Variants in TXNL4A observed in about 807,000 individuals in gnomAD.
TXNL4A encodes thioredoxin-like protein 4A.
TXNL4A carries 17 observed loss-of-function variants against 14.6 expected under a neutral mutation model. That is an observed-to-expected ratio of 1.16 (90% CI 0.80 to 1.74). The LOEUF (loss-of-function observed/expected upper bound fraction) is 1.74, where lower values mean the gene tolerates loss of function less well. Ranked by LOEUF, TXNL4A falls within the 40% of genes most tolerant of loss-of-function variation. The pLI is 0.00. For synonymous variants in TXNL4A, 83 were observed against 70.6 expected (o/e 1.18, Z -0.88); for missense variants, 74 against 195.2 (o/e 0.38, Z 3.70).
At chr18:80,004,709 G>C (rs1168834975) in intron 1 of TXNL4A, among the ~76,000 whole-genome samples, 8 of 152,160 alleles carry the variant, frequency 5.3e-5, no homozygotes. Flanking sequence ...GAATGTGCAC[G>C]CTCTGAGAAC....
intron 1 of TXNL4A, among the ~76,000 whole-genome samples, chr18:80,007,504 A>G (rs1243417449): frequency 6.6e-6 from 1 of 152,064 alleles, no homozygotes; most frequent in Admixed American, 6.5e-5. Context: ...CTAAGTCAAG[A>G]GTTGATTTTT....
rs2051769076 is a variant in TXNL4A, at chr18:80,011,448, G to A, written c.-61+22403C>T. ...AGAGTTTATTTTGCATTACCACTGA[G>A]GCTACAGAATTTTGGATTGTTGTGC... is the stretch of plus-strand genomic sequence containing the variant. On this transcript the variant is annotated intron_variant, in intron 1 of 2. Coordinates refer to the TXNL4A transcript ENST00000585474. This position sits in a 1 kb window ranked among gnomAD's most constrained non-coding sequence, Gnocchi z 4.1. 6.6e-6 allele frequency among the ~76,000 whole-genome samples: 1 copy of A among 152,168 alleles called. No individual in the cohort carries two copies. The highest frequency in any genetic ancestry group is 6.5e-5 in the Admixed American group (1 of 15,282).
chr18:80,006,240 C>T (rs1005717351), intron 1 of TXNL4A, among the ~76,000 whole-genome samples: 6 of 151,956 alleles, frequency 3.9e-5, no homozygotes, highest in African/African-American at 1.2e-4. Context: ...GAAAATTAGC[C>T]GGGTGTGGTG....
chr18:79,980,144 G>A (rs138334897), intron 1 of TXNL4A, among the ~76,000 whole-genome samples: 42 of 152,300 alleles, frequency 2.8e-4, no homozygotes, highest in Non-Finnish European at 5.1e-4. Context: ...CTGCAGAGGC[G>A]TCTACAAGCC....
intron 1 of TXNL4A, among the ~76,000 whole-genome samples, chr18:79,998,732 T>C (rs2051678876): frequency 6.7e-6 from 1 of 149,284 alleles, no homozygotes; most frequent in Non-Finnish European, 1.5e-5. Context: ...CTCATCATAC[T>C]CAACGTGTGT....
chr18:79,994,259 C>A (rs924375140), intron 1 of TXNL4A, among the ~76,000 whole-genome samples: 2 of 152,110 alleles, frequency 1.3e-5, no homozygotes, highest in Non-Finnish European at 2.9e-5. Context: ...AGTGTACCCG[C>A]GAACCAGAAT....
At chr18:79,984,531 T>C (rs1256804527) in intron 1 of TXNL4A, among the ~76,000 whole-genome samples, 1 of 152,224 alleles carries the variant, frequency 6.6e-6, no homozygotes, top group African/African-American at 2.4e-5. Context: ...GCCACTGCAC[T>C]CTAGCCTGGA....
In TXNL4A at chr18:80,011,678, G is replaced by A. The variant is rs2051770706; in HGVS notation, c.-61+22173C>T. ...CGGCGGCATTCCACAGGTGGCTCAGGGAGATAACACTTCCTTGAAGCAATG... is the reference window on the plus strand; with the variant it reads ...CGGCGGCATTCCACAGGTGGCTCAGAGAGATAACACTTCCTTGAAGCAATG... On this transcript the variant is annotated intron_variant, in intron 1 of 2. Transcript: ENST00000585474. This position sits in a 1 kb window ranked among gnomAD's most constrained non-coding sequence, Gnocchi z 4.1. 6.6e-6 allele frequency among the ~76,000 whole-genome samples: 1 copy of A among 152,096 alleles called. No homozygotes were observed. Among genetic ancestry groups the A allele is most frequent in the African/African-American group, 2.4e-5 (1 of 41,412 alleles).
rs2051768336 is a variant in TXNL4A at position 80,011,307 on chromosome 18, T to C, written c.-61+22544A>G. On this transcript the variant is annotated intron_variant, in intron 1 of 2. Coordinates refer to the TXNL4A transcript ENST00000585474. This position sits in a 1 kb window ranked among gnomAD's most constrained non-coding sequence, Gnocchi z 4.1. Reference sequence around the variant, plus strand: ...TCCCTTAATTTGTTAGTGATTTCAATTTGGTTTTTAAGGACTTGTAAATTT... The same window carrying C: ...TCCCTTAATTTGTTAGTGATTTCAACTTGGTTTTTAAGGACTTGTAAATTT... 6.6e-6 allele frequency among the ~76,000 whole-genome samples: 1 copy of C among 152,174 alleles called. No individual in the cohort carries two copies. Among genetic ancestry groups the C allele is most frequent in the African/African-American group, 2.4e-5 (1 of 41,438 alleles).
intron 2 of TXNL4A, among the ~76,000 whole-genome samples, chr18:79,974,849 C>T (rs965674268): frequency 6.6e-6 from 1 of 152,304 alleles, no homozygotes; most frequent in African/African-American, 2.4e-5. Flanking sequence ...AGTCCCACCC[C>T]GGCCTGCAGA....
At position 79,973,669 on chromosome 18, in the gene TXNL4A, G is replaced by A. The variant is rs372173726; in HGVS notation, c.*16C>T. The A allele has an allele frequency of 1.8e-5, 29 of 1,601,252 alleles. No individual in the cohort carries two copies. The highest frequency in any genetic ancestry group is 9.4e-5 in the African/African-American group (7 of 74,236). On this transcript the variant is annotated 3_prime_UTR_variant, in exon 3 of 3. Coordinates refer to ENST00000269601, the MANE Select transcript of TXNL4A (RefSeq NM_006701.5). ...AAAGGGCTCCACGACATTTATCCGCGCAGACTGAGGGCGCCTCAGTAGCGG... is the reference window on the plus strand; with the variant it reads ...AAAGGGCTCCACGACATTTATCCGCACAGACTGAGGGCGCCTCAGTAGCGG...
At chr18:80,018,965 C>A (rs2051830641) in intron 1 of TXNL4A, among the ~76,000 whole-genome samples, 1 of 152,202 alleles carries the variant, frequency 6.6e-6, no homozygotes, top group South Asian at 2.1e-4. Context: ...TCTGAAATTA[C>A]CTCAGCTAGA....
chr18:79,996,449 T>C (rs2145099853), intron 1 of TXNL4A, among the ~76,000 whole-genome samples: 2 of 152,288 alleles, frequency 1.3e-5, no homozygotes, highest in Middle Eastern at 3.4e-3. Context: ...AACCTTAACA[T>C]TTCTTTGGGT....
intron 1 of TXNL4A, among the ~76,000 whole-genome samples, chr18:80,032,085 C>T (rs1291884799): frequency 1.3e-5 from 2 of 152,204 alleles, no homozygotes; most frequent in African/African-American, 4.8e-5. Flanking sequence ...GTTTTGCCCT[C>T]CTTTTGTTGC....
At chr18:80,003,426 A>G (rs2051710223) in intron 1 of TXNL4A, among the ~76,000 whole-genome samples, 2 of 152,218 alleles carry the variant, frequency 1.3e-5, no homozygotes, top group Admixed American at 1.3e-4. Context: ...TTTTTGCATG[A>G]CTTAGTTCCC....
chr18:79,983,245 C>T (rs1449191334), intron 1 of TXNL4A, among the ~76,000 whole-genome samples: 5 of 152,230 alleles, frequency 3.3e-5, no homozygotes, highest in African/African-American at 9.6e-5. Context: ...AGATGATTCG[C>T]CTGCCTCGGC....
At chr18:79,980,861 C>T (rs1370945577) in intron 1 of TXNL4A, among the ~76,000 whole-genome samples, 1 of 152,228 alleles carries the variant, frequency 6.6e-6, no homozygotes, top group Non-Finnish European at 1.5e-5. Flanking sequence ...CGTCCATGTG[C>T]TTTCAAAACC....
rs527303309 is a variant in TXNL4A, at chr18:79,981,443, G to A, written c.154-3742C>T. ...TCCCAGCACTTTGGGAGGCTGAGGC[G>A]GGCGGATCACTTGAGGTCAGGAGTT... On this transcript the variant is annotated intron_variant, in intron 1 of 2. Transcript: ENST00000269601. Among the ~76,000 whole-genome samples the A allele has an allele frequency of 3.2e-4, 48 of 152,028 alleles. 1 individual carries two copies. The highest frequency in any genetic ancestry group is 3.1e-3 in the Admixed American group (47 of 15,272).
At chr18:80,007,561 G>A (rs1026128356) in intron 1 of TXNL4A, among the ~76,000 whole-genome samples, 15 of 151,948 alleles carry the variant, frequency 9.9e-5, no homozygotes, top group African/African-American at 3.6e-4. Context: ...TTTTGGGCCT[G>A]GCGCTGGGCT....
Sources: gnomAD v4.1 joint callset for allele counts (sites outside exome capture counted in the v4.1 genomes callset) on GRCh38, gnomAD v4.1.1 for gene constraint, Gnocchi (gnomAD v3.1) non-coding constraint, MANE v1.5 for transcripts, NCBI Gene and HGNC (gene_info 2026-07-23, HGNC 2026-07-21) for gene names.